The following CELF1 variants were observed in gnomAD, a reference collection of about 807,000 sequenced individuals.
CELF1 encodes 50 kDa nuclear polyadenylated RNA-binding protein.
A neutral mutation model predicts 61.8 loss-of-function variants in CELF1; 10 were observed. The ratio of observed to expected loss-of-function variants is 0.16; its 90% CI spans 0.10 to 0.27. CELF1 has a LOEUF of 0.27. Among genes scored for constraint, CELF1 ranks in the 10% least tolerant of loss-of-function variants. The probability of loss-of-function intolerance (pLI) is 1.00; values close to 1 mark genes in which losing one functional copy is unlikely to be tolerated. For missense variants in CELF1, 380 were observed against 639.1 expected (o/e 0.59, Z 4.37); for synonymous variants, 236 against 225.1 (o/e 1.05, Z -0.43).
chr11:47,520,215 T>C (rs577418403), intron 1 of CELF1, among the ~76,000 whole-genome samples: 3 of 152,214 alleles, frequency 2.0e-5, no homozygotes, highest in Non-Finnish European at 4.4e-5. Flanking sequence ...AATGTTACCA[T>C]AAATGTGAAA....
At chr11:47,526,301 CAA>C (rs1306326285) in intron 1 of CELF1, among the ~76,000 whole-genome samples, 2 of 152,050 alleles carry the variant, frequency 1.3e-5, no homozygotes, top group Non-Finnish European at 2.9e-5. Context: ...GCTTAGGTAA[CAA>C]GAGCAAAACT....
intron 7 of CELF1, among the ~76,000 whole-genome samples, 167 bp from the exon 8 acceptor site, chr11:47,483,699 A>G (rs1217571050): frequency 1.3e-5 from 2 of 152,214 alleles, no homozygotes; most frequent in African/African-American, 4.8e-5. Context: ...GCTATAATGA[A>G]AAAACAGAAC....
At chr11:47,515,545 C>G (rs1001776019) in intron 1 of CELF1, among the ~76,000 whole-genome samples, 9 of 152,206 alleles carry the variant, frequency 5.9e-5, no homozygotes, top group Non-Finnish European at 8.8e-5. Flanking sequence ...TGCAGCTCAT[C>G]AGGGCTGCAC....
chr11:47,485,793 G>C (rs1358495358), intron 6 of CELF1, among the ~76,000 whole-genome samples: 1 of 149,784 alleles, frequency 6.7e-6, no homozygotes, highest in Non-Finnish European at 1.5e-5. Context: ...TGTTGGCCGG[G>C]TGATCCGCCC....
intron 9 of CELF1, among the ~76,000 whole-genome samples, chr11:47,479,263 G>A (rs1171425753): frequency 6.6e-6 from 1 of 152,156 alleles, no homozygotes; most frequent in Non-Finnish European, 1.5e-5. Context: ...TAAACTTGAG[G>A]AGCTACGCAG....
intron 2 of CELF1, among the ~76,000 whole-genome samples, chr11:47,562,226 C>CAAAA (rs745795043): frequency 1.2e-5 from 1 of 81,666 alleles, no homozygotes. Flanking sequence ...AACTCCATCT[C>CAAAA]AAAAAAAAAA....
chr11:47,558,991 AAT>A (rs1190333657), intron 2 of CELF1, among the ~76,000 whole-genome samples: 86 of 141,446 alleles, frequency 6.1e-4, no homozygotes, highest in Admixed American at 1.9e-3. Context: ...TATATATAGT[AAT>A]ATATGTTATA....
intron 1 of CELF1, among the ~76,000 whole-genome samples, chr11:47,533,650 A>ACATACATT (rs1382969551): frequency 6.6e-6 from 1 of 151,288 alleles, no homozygotes; most frequent in Non-Finnish European, 1.5e-5. Flanking sequence ...ATACATACAT[A>ACATACATT]CATACATAAA....
At chr11:47,512,937 T>A (rs914159283) in intron 1 of CELF1, among the ~76,000 whole-genome samples, 4 of 152,174 alleles carry the variant, frequency 2.6e-5, no homozygotes, top group Non-Finnish European at 5.9e-5. Flanking sequence ...GACTAAACTT[T>A]ATGCTAAACC....
intron 13 of CELF1, among the ~76,000 whole-genome samples, chr11:47,473,433 G>T (rs1698495200): frequency 6.6e-6 from 1 of 152,188 alleles, no homozygotes; most frequent in Non-Finnish European, 1.5e-5. Flanking sequence ...CTCACATTCA[G>T]CCAAGCTCCA....
intron 1 of CELF1, among the ~76,000 whole-genome samples, chr11:47,541,697 AG>A (rs1565904126): frequency 0.31 from 19,041 of 61,458 alleles, 4,416 homozygotes; most frequent in African/African-American, 0.55. Flanking sequence ...AAAGAAAGAA[AG>A]AAAGAAAGAA....
intron 2 of CELF1, among the ~76,000 whole-genome samples, chr11:47,558,898 A>T: frequency 7.4e-6 from 1 of 135,252 alleles, no homozygotes; most frequent in East Asian, 2.0e-4. Context: ...TTGTAGTCCC[A>T]GCTACAATAT....
At chr11:47,477,179 C>T in intron 11 of CELF1, 118 bp downstream of exon 11, 2 of 1,195,494 alleles carry the variant, frequency 1.7e-6, no homozygotes, top group Non-Finnish European at 2.4e-6. Context: ...ATTTGTTGCT[C>T]ATAATCTGAC....
intron 3 of CELF1, among the ~76,000 whole-genome samples, chr11:47,498,154 G>A (rs1450741603): frequency 6.6e-6 from 1 of 152,176 alleles, no homozygotes; most frequent in Admixed American, 6.5e-5. Flanking sequence ...CTTCAAAAGA[G>A]TAAGACAGGC....
intron 1 of CELF1, among the ~76,000 whole-genome samples, chr11:47,522,828 GAAA>G (rs1349865658): frequency 1.7e-5 from 1 of 60,236 alleles, no homozygotes; most frequent in Admixed American, 1.9e-4. Flanking sequence ...TCCATCTCCA[GAAA>G]AAAAAAAAAA....
upstream of CELF1, chr11:47,553,201 A>T: frequency 2.6e-6 from 1 of 389,652 alleles, no homozygotes; most frequent in Non-Finnish European, 4.5e-6. Context: ...GAGCGCGGCG[A>T]GGGGGAACGT....
At chr11:47,501,371 G>A (rs1474903757) in intron 1 of CELF1, among the ~76,000 whole-genome samples, 1 of 152,200 alleles carries the variant, frequency 6.6e-6, no homozygotes, top group Non-Finnish European at 1.5e-5. Flanking sequence ...GGCTATGTTT[G>A]TCCTAGTTTC....
intron 1 of CELF1, among the ~76,000 whole-genome samples, chr11:47,539,796 A>T (rs974746392): frequency 1.3e-5 from 2 of 152,148 alleles, no homozygotes; most frequent in African/African-American, 4.8e-5. Flanking sequence ...CTCTCTCCAG[A>T]GCTGCATTTC....
intron 6 of CELF1, 95 bp from the exon 7 acceptor site, chr11:47,484,618 G>A: frequency 4.1e-6 from 4 of 973,378 alleles, no homozygotes; most frequent in Non-Finnish European, 6.3e-6. Context: ...TTGAATCCTG[G>A]CTCTGTACCA....
Sources: allele counts gnomAD v4.1 joint callset (sites outside exome capture counted in the v4.1 genomes callset), GRCh38; gene constraint gnomAD v4.1.1; transcripts MANE v1.5; gene names NCBI Gene and HGNC (gene_info 2026-07-23, HGNC 2026-07-21).